ADGRV1: variants seen among roughly 807,000 people sequenced by gnomAD.
ADGRV1 encodes adhesion G protein-coupled receptor V1.
Under a neutral mutation model 596.2 loss-of-function variants are expected in ADGRV1, and 359 were observed. The observed-to-expected ratio is 0.60, with a 90% confidence interval of 0.55 to 0.66. ADGRV1 has a LOEUF of 0.66. Among genes scored for constraint, ADGRV1 ranks in the 30% least tolerant of loss-of-function variants. The probability of loss-of-function intolerance (pLI) is 0.00; values close to 1 mark genes in which losing one functional copy is unlikely to be tolerated. For missense variants in ADGRV1, 7,274 were observed against 7,575.6 expected (o/e 0.96, Z 1.48); for synonymous variants, 2,681 against 2,679.2 (o/e 1.00, Z -0.02).
chr5:91,150,399 T>A (rs1052924921), intron 88 of ADGRV1, among the ~76,000 whole-genome samples, 178 bp downstream of exon 88: 1 of 152,190 alleles, frequency 6.6e-6, no homozygotes, highest in African/African-American at 2.4e-5. Flanking sequence ...AGGTGACAAC[T>A]TCTGACCTAT....
intron 16 of ADGRV1, 47 bp downstream of exon 16, chr5:90,646,138 G>T: frequency 5.6e-6 from 8 of 1,427,268 alleles, no homozygotes; most frequent in Non-Finnish European, 7.5e-6. Context: ...TTCTTAAATA[G>T]TATATATAAA....
chr5:90,671,861 A>G (rs1322618062), intron 21 of ADGRV1, among the ~76,000 whole-genome samples: 1 of 152,170 alleles, frequency 6.6e-6, no homozygotes, highest in Non-Finnish European at 1.5e-5. Flanking sequence ...GCATTATCTT[A>G]AAGTGTTTAG....
chr5:90,638,549 T>TC (rs1766552097), intron 11 of ADGRV1, among the ~76,000 whole-genome samples: 1 of 151,670 alleles, frequency 6.6e-6, no homozygotes, highest in African/African-American at 2.4e-5. Flanking sequence ...GTTTTTTTTT[T>TC]CAGTTTTTCA....
chr5:90,916,695 G>C (rs984772314), intron 83 of ADGRV1, among the ~76,000 whole-genome samples: 4 of 142,950 alleles, frequency 2.8e-5, no homozygotes, highest in Admixed American at 7.2e-5. Flanking sequence ...TGCAGTGGCG[G>C]GATCTCGGCT....
At chr5:90,784,139 AT>A (rs1759173237) in intron 67 of ADGRV1, 82 bp downstream of exon 67, 1 of 866,414 alleles carries the variant, frequency 1.2e-6, no homozygotes, top group Non-Finnish European at 1.8e-6. Flanking sequence ...GCCCAAGTAT[AT>A]TTCTTTATTC....
At chr5:90,919,408 T>A (rs527846895) in intron 83 of ADGRV1, among the ~76,000 whole-genome samples, 8 of 152,098 alleles carry the variant, frequency 5.3e-5, no homozygotes, top group African/African-American at 7.2e-5. Flanking sequence ...TATTGGGAGG[T>A]GTAGTTGATA....
chr5:90,660,034 A>G (rs917707383), intron 21 of ADGRV1, among the ~76,000 whole-genome samples: 1 of 150,418 alleles, frequency 6.6e-6, no homozygotes, highest in Non-Finnish European at 1.5e-5. Flanking sequence ...GTCTCAGAGA[A>G]AAAAAAAAAG....
chr5:90,594,795 T>C (rs1760040512), intron 1 of ADGRV1, among the ~76,000 whole-genome samples: 1 of 150,700 alleles, frequency 6.6e-6, no homozygotes. Flanking sequence ...GAGCACAGGG[T>C]TGGGGGTAAG....
At chr5:91,124,860 T>C (rs1207675986) in intron 87 of ADGRV1, among the ~76,000 whole-genome samples, 1 of 152,260 alleles carries the variant, frequency 6.6e-6, no homozygotes, top group Non-Finnish European at 1.5e-5. Context: ...TGATTTTTTC[T>C]AATTAATTTC....
intron 84 of ADGRV1, among the ~76,000 whole-genome samples, chr5:90,975,390 A>ACACATG (rs1349271473): frequency 2.6e-5 from 4 of 152,202 alleles, no homozygotes; most frequent in Non-Finnish European, 4.4e-5. Flanking sequence ...TGCTATAAAG[A>ACACATG]CACATGCACG....
chr5:90,859,201 T>G (rs938941623), intron 82 of ADGRV1, among the ~76,000 whole-genome samples: 5 of 152,140 alleles, frequency 3.3e-5, no homozygotes, highest in African/African-American at 1.2e-4. Flanking sequence ...TCTCTAAAAC[T>G]TCTGGCCTCA....
chr5:90,833,973 C>T (rs969837345), intron 77 of ADGRV1, among the ~76,000 whole-genome samples: 2 of 152,036 alleles, frequency 1.3e-5, no homozygotes, highest in African/African-American at 2.4e-5. Flanking sequence ...TTACAGATTG[C>T]ATAAACATAC....
intron 11 of ADGRV1, among the ~76,000 whole-genome samples, chr5:90,641,889 C>T (rs527402335): frequency 6.6e-6 from 1 of 152,232 alleles, no homozygotes; most frequent in South Asian, 2.1e-4. Flanking sequence ...ATGCTTTGAA[C>T]GTTAAAACCA....
At chr5:90,680,379 C>G (rs1251133236) in intron 26 of ADGRV1, among the ~76,000 whole-genome samples, 2 of 149,936 alleles carry the variant, frequency 1.3e-5, no homozygotes, top group African/African-American at 2.4e-5. Context: ...AAGAAAGAAA[C>G]AAATGGGAAA....
In ADGRV1 at chr5:90,650,624, C is replaced by T. The variant is rs111437295; in HGVS notation, c.3290-980C>T. Among the ~76,000 whole-genome samples, 1,102 of 152,180 alleles carry T rather than the reference C, an allele frequency of 7.2e-3. 7 individuals are homozygous for T. Among genetic ancestry groups the T allele is most frequent in the Middle Eastern group, 0.017 (5 of 294 alleles). ...TCAGTTCAGCAATAAATAAATTCTG[C>T]GCACCGGTTACTGAGCATCTATTTT... On this transcript the variant is annotated intron_variant, in intron 17 of 89. Transcript: ENST00000405460.
chr5:90,869,041 G>A (rs2150487037), intron 83 of ADGRV1, among the ~76,000 whole-genome samples: 1 of 152,174 alleles, frequency 6.6e-6, no homozygotes, highest in Middle Eastern at 3.4e-3. Flanking sequence ...ATGCATACAT[G>A]CACACAAAGC....
chr5:91,101,001 A>G (rs1174244854), intron 86 of ADGRV1, among the ~76,000 whole-genome samples: 1 of 151,522 alleles, frequency 6.6e-6, no homozygotes, highest in Non-Finnish European at 1.5e-5. Flanking sequence ...AGACGTGTCA[A>G]CTATACACGA....
chr5:90,990,919 C>A (rs1354955782), intron 85 of ADGRV1, among the ~76,000 whole-genome samples: 1 of 151,992 alleles, frequency 6.6e-6, no homozygotes, highest in African/African-American at 2.4e-5. Context: ...GTAAAGAAAA[C>A]AAGCTAAAGG....
intron 87 of ADGRV1, among the ~76,000 whole-genome samples, chr5:91,113,239 A>G (rs1166856120): frequency 6.6e-6 from 1 of 152,102 alleles, no homozygotes; most frequent in Non-Finnish European, 1.5e-5. Context: ...GCTTATTGTG[A>G]GACTATAGGG....
Sources: gnomAD v4.1 joint callset for allele counts (sites outside exome capture counted in the v4.1 genomes callset) on GRCh38, gnomAD v4.1.1 for gene constraint, MANE v1.5 for transcripts, NCBI Gene and HGNC (gene_info 2026-07-23, HGNC 2026-07-21) for gene names.